Variants in SOX11 observed in about 807,000 individuals in gnomAD.
SOX11 encodes the protein transcription factor SOX-11.
A neutral mutation model predicts 16.7 loss-of-function variants in SOX11; 5 were observed. That is an observed-to-expected ratio of 0.30 (90% CI 0.16 to 0.63). The LOEUF (loss-of-function observed/expected upper bound fraction) is 0.63, where lower values mean the gene tolerates loss of function less well. SOX11 is among the 20% of genes least tolerant of loss of function. SOX11 has a pLI of 0.82. For missense variants in SOX11, 492 were observed against 641.5 expected, an observed-to-expected ratio of 0.77 and a Z score of 2.52; for synonymous variants, 363 against 298.8, an observed-to-expected ratio of 1.21 and a Z score of -2.22.
In SOX11 at chr2:5,700,541, T is replaced by C. The variant is rs1234781307; in HGVS notation, c.*6494T>C. The stretch of plus-strand genomic sequence containing the variant: ...ATCCAGCTTTTGTTCAAAAACAGTA[T>C]GCCTCCTCCCTTGAATCACATAGGG... On this transcript the variant is annotated 3_prime_UTR_variant, in exon 1 of 1. Coordinates refer to ENST00000322002, the MANE Select transcript of SOX11 (RefSeq NM_003108.4). The C allele has an allele frequency of 6.0e-6, 1 of 167,068 alleles. No individual in the cohort carries two copies. Among genetic ancestry groups the C allele is most frequent in the Non-Finnish European group, 1.5e-5 (1 of 68,106 alleles). 10.3% of individuals were successfully genotyped at this position (167,068 alleles called of 1,614,324 possible).
Position 5,693,766 on chromosome 2 carries a change from A to G in SOX11, c.1045A>G (p.Ser349Gly), listed in dbSNP as rs1665681441. Residue 349 changes from serine to glycine, a missense_variant, in exon 1 of 1, where the codon AGC (serine) becomes GGC (glycine). Ser to Gly is a moderately conservative substitution (Grantham distance 56). This residue lies in a region of SOX11 where 389 missense variants were observed against 389.0 expected (regional missense o/e 1.00). Transcript: ENST00000322002. The surrounding 1 kb of genome is among the most constrained non-coding windows in gnomAD (Gnocchi z 8.6). ...VSTSSSSSSG[S>G]SSGSSGEDAD... is the part of the protein sequence containing the mutation. ...CACCTCCTCGTCCAGCAGCAGCGGCAGCAGCAGCGGCAGCAGCGGCGAGGA... is the reference window on the plus strand; with the variant it reads ...CACCTCCTCGTCCAGCAGCAGCGGCGGCAGCAGCGGCAGCAGCGGCGAGGA... 4.4e-6 allele frequency: 7 copies of G among 1,580,778 alleles called. No homozygotes were observed. Among genetic ancestry groups the G allele is most frequent in the Non-Finnish European group, 6.0e-6 (7 of 1,165,058 alleles).
Position 5,693,418 on chromosome 2 carries a change from G to T in SOX11, c.697G>T (p.Asp233Tyr). The T allele has an allele frequency of 6.3e-7, 1 of 1,591,374 alleles. No individual in the cohort carries two copies. Among genetic ancestry groups the T allele is most frequent in the Non-Finnish European group, 8.5e-7 (1 of 1,177,142 alleles). Reference sequence around the variant, plus strand: ...GGACGACGACGACGACGACGACGACGACGAGCTGCAGCTGCAGATCAAACA... The same window carrying T: ...GGACGACGACGACGACGACGACGACTACGAGCTGCAGCTGCAGATCAAACA... ...DEDDDDDDDD[D>Y]ELQLQIKQEP... is the part of the protein sequence containing the mutation. Residue 233 changes from aspartate to tyrosine, a missense_variant, in exon 1 of 1, where the codon GAC (aspartate) becomes TAC (tyrosine). Around this residue, in one of 4 missense-constraint regions of SOX11, gnomAD observed 389 missense variants for 389.0 expected, o/e 1.00. Coordinates refer to ENST00000322002, the MANE Select transcript of SOX11 (RefSeq NM_003108.4). This position sits in a 1 kb window ranked among gnomAD's most constrained non-coding sequence, Gnocchi z 8.6.
Position 5,695,432 on chromosome 2 carries a change from GA to G in SOX11, c.*1395del, listed in dbSNP as rs113402297. ...TGGATTCTCGATTTTTAGCAAAAAA[GA>G]AAAAAAAAAGGCACATAGTTTAAAA... On this transcript the variant is annotated 3_prime_UTR_variant, in exon 1 of 1. Coordinates refer to ENST00000322002, the MANE Select transcript of SOX11 (RefSeq NM_003108.4). The G allele has an allele frequency of 0.19, 30,170 of 158,580 alleles. 3,121 individuals are homozygous for G. The highest frequency in any genetic ancestry group is 0.31 in the Admixed American group (4,523 of 14,688). 9.8% of individuals were successfully genotyped at this position (158,580 alleles called of 1,614,324 possible). A position where few individuals can be genotyped will look rare whatever the true frequency, so the allele number is the denominator to read the frequency against.
chr2:5,700,327 G>A lies in SOX11; in HGVS notation c.*6280G>A, dbSNP rs1297553112. ...GCAATATGACAAAAAGTTTAAAAAT[G>A]CATAAAAAATAGGATTTCCTCTAGG... On this transcript the variant is annotated 3_prime_UTR_variant, in exon 1 of 1. Coordinates refer to ENST00000322002, the MANE Select transcript of SOX11 (RefSeq NM_003108.4). 1.2e-5 allele frequency: 2 copies of A among 166,204 alleles called. No homozygotes were observed. The highest frequency in any genetic ancestry group is 1.3e-4 in the Admixed American group (2 of 15,214). 10.3% of individuals were successfully genotyped at this position (166,204 alleles called of 1,614,324 possible). A position where few individuals can be genotyped will look rare whatever the true frequency, so the allele number is the denominator to read the frequency against.
Position 5,692,692 on chromosome 2 carries a change from G to T in SOX11, c.-30G>T, listed in dbSNP as rs754815141. 3 of 1,532,560 alleles carry T rather than the reference G, an allele frequency of 2.0e-6. No individual in the cohort carries two copies. The highest frequency in any genetic ancestry group is 2.6e-6 in the Non-Finnish European group (3 of 1,135,554). The allele number at this position is 1,532,560 out of a possible 1,614,324, so 94.9% of individuals were successfully genotyped here. A position where few individuals can be genotyped will look rare whatever the true frequency, so the allele number is the denominator to read the frequency against. Reference sequence around the variant, plus strand: ...ACCTCCGCACGAGACCCAGCGGCCCGGGTTGGAGCGTCCAGCCCTGCAGCG... The same window carrying T: ...ACCTCCGCACGAGACCCAGCGGCCCTGGTTGGAGCGTCCAGCCCTGCAGCG... On this transcript the variant is annotated 5_prime_UTR_variant, in exon 1 of 1. Transcript: ENST00000322002.
At position 5,700,532 on chromosome 2, in the gene SOX11, A is replaced by G. The variant is rs960719702; in HGVS notation, c.*6485A>G. On this transcript the variant is annotated 3_prime_UTR_variant, in exon 1 of 1. Coordinates refer to ENST00000322002, the MANE Select transcript of SOX11 (RefSeq NM_003108.4). Reference sequence around the variant, plus strand: ...TTTTTCTTCATCCAGCTTTTGTTCAAAAACAGTATGCCTCCTCCCTTGAAT... The same window carrying G: ...TTTTTCTTCATCCAGCTTTTGTTCAGAAACAGTATGCCTCCTCCCTTGAAT... 4.2e-5 allele frequency: 7 copies of G among 167,094 alleles called. No homozygotes were observed. Among genetic ancestry groups the G allele is most frequent in the Non-Finnish European group, 1.0e-4 (7 of 68,118 alleles). The allele number at this position is 167,094 out of a possible 1,614,324, so 10.4% of individuals were successfully genotyped here. A position where few individuals can be genotyped will look rare whatever the true frequency, so the allele number is the denominator to read the frequency against.
In SOX11 at chr2:5,700,424, A is replaced by G. The variant is rs1327548305; in HGVS notation, c.*6377A>G. The G allele has an allele frequency of 1.3e-5, 2 of 159,562 alleles. No homozygotes were observed. Among genetic ancestry groups the G allele is most frequent in the Admixed American group, 1.5e-4 (2 of 13,564 alleles). 9.9% of individuals were successfully genotyped at this position (159,562 alleles called of 1,614,324 possible). A position where few individuals can be genotyped will look rare whatever the true frequency, so the allele number is the denominator to read the frequency against. On this transcript the variant is annotated 3_prime_UTR_variant, in exon 1 of 1. Coordinates refer to ENST00000322002, the MANE Select transcript of SOX11 (RefSeq NM_003108.4). ...GACACGTTACATTTCCCCTTCCAAA[A>G]AAAAAAAAAAGGACAACTGGAAGTA... is the stretch of plus-strand genomic sequence containing the variant.
chr2:5,693,450 G>C lies in SOX11; in HGVS notation c.729G>C (p.Pro243=). 6.3e-7 allele frequency: 1 copy of C among 1,588,720 alleles called. No individual in the cohort carries two copies. Among genetic ancestry groups the C allele is most frequent in the African/African-American group, 1.3e-5 (1 of 74,890 alleles). ...DELQLQIKQE[P]DEEDEEPPHQ... ...TGCAGCTGCAGATCAAACAGGAGCC[G>C]GACGAGGAGGACGAGGAACCACCGC... The change falls in exon 1 of 1, where the codon CCG becomes CCC. Residue 243 remains proline, a synonymous_variant. Transcript: ENST00000322002. This position sits in a 1 kb window ranked among gnomAD's most constrained non-coding sequence, Gnocchi z 8.6.
At position 5,698,342 on chromosome 2, in the gene SOX11, A is replaced by G. The variant is rs1223861133; in HGVS notation, c.*4295A>G. On this transcript the variant is annotated 3_prime_UTR_variant, in exon 1 of 1. Coordinates refer to ENST00000322002, the MANE Select transcript of SOX11 (RefSeq NM_003108.4). ...CTAAGCATTGACAGAATATCTTAAA[A>G]TGGTAACCTGGGGGTGGCGGGTGGG... The G allele has an allele frequency of 3.0e-5, 5 of 166,318 alleles. No homozygotes were observed. The highest frequency in any genetic ancestry group is 9.7e-5 in the African/African-American group (4 of 41,360). 10.3% of individuals were successfully genotyped at this position (166,318 alleles called of 1,614,324 possible). A position where few individuals can be genotyped will look rare whatever the true frequency, so the allele number is the denominator to read the frequency against.
rs201271298 is a variant in SOX11 at position 5,700,420 on chromosome 2, CA to C, written c.*6387del. 2,068 of 134,812 alleles carry C rather than the reference CA, an allele frequency of 0.015. 15 individuals carry two copies. The highest frequency in any genetic ancestry group is 0.035 in the African/African-American group (1,165 of 33,356). The allele number at this position is 134,812 out of a possible 1,614,324, so 8.4% of individuals were successfully genotyped here. On this transcript the variant is annotated 3_prime_UTR_variant, in exon 1 of 1. Coordinates refer to ENST00000322002, the MANE Select transcript of SOX11 (RefSeq NM_003108.4). ...CTTAGACACGTTACATTTCCCCTTCCAAAAAAAAAAAAAAGGACAACTGGAA... is the reference window on the plus strand; with the variant it reads ...CTTAGACACGTTACATTTCCCCTTCCAAAAAAAAAAAAAGGACAACTGGAA...
Position 5,693,696 on chromosome 2 carries a change from G to A in SOX11, c.975G>A (p.Pro325=). Residue 325 remains proline, a synonymous_variant, in exon 1 of 1, where the codon CCG becomes CCA. Coordinates refer to ENST00000322002, the MANE Select transcript of SOX11 (RefSeq NM_003108.4). The surrounding 1 kb of genome is among the most constrained non-coding windows in gnomAD (Gnocchi z 8.6). ...ACATCACCAAGCAGCACCCGCCGCC[G>A]CTCGCGCAGCCCGCGCTGTCGCCCG... The part of the protein sequence containing the change: ...FKNITKQHPP[P]LAQPALSPAS... 6.3e-7 allele frequency: 1 copy of A among 1,599,454 alleles called. No individual in the cohort carries two copies.
rs1453227378 is a variant in SOX11, at chr2:5,699,023, A to T, written c.*4976A>T. The T allele has an allele frequency of 6.0e-6, 1 of 167,036 alleles. No homozygotes were observed. The highest frequency in any genetic ancestry group is 1.5e-5 in the Non-Finnish European group (1 of 68,104). 10.3% of individuals were successfully genotyped at this position (167,036 alleles called of 1,614,324 possible). ...CTTAACTTTTTTATTCTCTGATATGATTAATAATATGTATATTCTTACTTT... is the reference window on the plus strand; with the variant it reads ...CTTAACTTTTTTATTCTCTGATATGTTTAATAATATGTATATTCTTACTTT... On this transcript the variant is annotated 3_prime_UTR_variant, in exon 1 of 1. Coordinates refer to ENST00000322002, the MANE Select transcript of SOX11 (RefSeq NM_003108.4).
Position 5,693,140 on chromosome 2 carries a change from AGAGCGCGGCCGGCGGCGGCGGCGG to A in SOX11, c.428_451del (p.Ala143_Ala150del). On this transcript the variant is annotated inframe_deletion, in exon 1 of 1. Coordinates refer to ENST00000322002, the MANE Select transcript of SOX11 (RefSeq NM_003108.4). The surrounding 1 kb of genome is among the most constrained non-coding windows in gnomAD (Gnocchi z 8.6). The stretch of plus-strand genomic sequence containing the variant: ...CCCAGCGCCAGCCAGAGCCCAGAGA[AGAGCGCGGCCGGCGGCGGCGGCGG>A]GAGCGCGGGCGGAGGCGCGGGCGGT... 6.2e-7 allele frequency: 1 copy of A among 1,606,530 alleles called. No homozygotes were observed. The highest frequency in any genetic ancestry group is 8.5e-7 in the Non-Finnish European group (1 of 1,177,072).
chr2:5,692,633 C>T lies in SOX11; in HGVS notation c.-89C>T. 9.0e-7 allele frequency: 1 copy of T among 1,114,080 alleles called. No homozygotes were observed. Among genetic ancestry groups the T allele is most frequent in the Non-Finnish European group, 1.3e-6 (1 of 797,324 alleles). 69.0% of individuals were successfully genotyped at this position (1,114,080 alleles called of 1,614,324 possible). On this transcript the variant is annotated 5_prime_UTR_variant, in exon 1 of 1. Coordinates refer to ENST00000322002, the MANE Select transcript of SOX11 (RefSeq NM_003108.4). ...GGGGTGCCGAGGACTTTGCAACTTG[C>T]CCAGGAAGGTGGAGGGGTGGGAGGG...
chr2:5,693,647 G>T lies in SOX11; in HGVS notation c.926G>T (p.Ser309Ile). 6.3e-7 allele frequency: 1 copy of T among 1,588,992 alleles called. No homozygotes were observed. The highest frequency in any genetic ancestry group is 8.5e-7 in the Non-Finnish European group (1 of 1,174,564). ...GCGACCTCGGGCGCCGGGGGCGGCA[G>T]CCGCCTCTACTACAGCTTCAAGAAC... ...AGATSGAGGG[S>I]RLYYSFKNIT... is the part of the protein sequence containing the mutation. The change falls in exon 1 of 1, where the codon AGC becomes ATC. Residue 309 changes from serine (S) to isoleucine (I), a missense_variant. Ser to Ile is a moderately radical substitution (Grantham distance 142). Transcript: ENST00000322002. This position sits in a 1 kb window ranked among gnomAD's most constrained non-coding sequence, Gnocchi z 8.6.
Position 5,700,495 on chromosome 2 carries a change from C to A in SOX11, c.*6448C>A, listed in dbSNP as rs1027149457. The A allele has an allele frequency of 6.0e-6, 1 of 166,436 alleles. No individual in the cohort carries two copies. The highest frequency in any genetic ancestry group is 2.4e-5 in the African/African-American group (1 of 41,236). The allele number at this position is 166,436 out of a possible 1,614,324, so 10.3% of individuals were successfully genotyped here. Reference sequence around the variant, plus strand: ...TGATCAAATAGATATTGACAAAGGGCCCTCTGTCACATTTTTCTTCATCCA... The same window carrying A: ...TGATCAAATAGATATTGACAAAGGGACCTCTGTCACATTTTTCTTCATCCA... On this transcript the variant is annotated 3_prime_UTR_variant, in exon 1 of 1. Transcript: ENST00000322002.
At position 5,692,785 on chromosome 2, in the gene SOX11, G is replaced by A; in HGVS notation, c.64G>A (p.Glu22Lys). 2 of 1,612,626 alleles carry A rather than the reference G, an allele frequency of 1.2e-6. No homozygotes were observed. Among genetic ancestry groups the A allele is most frequent in the Non-Finnish European group, 8.5e-7 (1 of 1,179,080 alleles). Reference sequence around the variant, plus strand: ...CCTGCCCCGGGAGGCGCTGGACACGGAGGAGGGCGAATTCATGGCTTGCAG... The same window carrying A: ...CCTGCCCCGGGAGGCGCTGGACACGAAGGAGGGCGAATTCATGGCTTGCAG... ...SNLPREALDTEEGEFMACSPV... is the reference protein window; with the variant it reads ...SNLPREALDTKEGEFMACSPV... Residue 22 changes from glutamate (E) to lysine (K), a missense_variant, in exon 1 of 1, where the codon GAG (glutamate) becomes AAG (lysine). Physicochemically the swap from Glu to Lys is moderately conservative, Grantham distance 56. Transcript: ENST00000322002.
At position 5,693,331 on chromosome 2, in the gene SOX11, C is replaced by G; in HGVS notation, c.610C>G (p.Arg204Gly). ...CGACGACTACGTGCTGGGCAGCCTG[C>G]GCGTGAGCGGCTCGGGCGGCGGCGG... ...AGDDYVLGSLRVSGSGGGGAG... is the reference protein window; with the variant it reads ...AGDDYVLGSLGVSGSGGGGAG... Residue 204 changes from arginine (R) to glycine (G), a missense_variant, in exon 1 of 1, where the codon CGC (arginine) becomes GGC (glycine). Physicochemically the swap from Arg to Gly is moderately radical, Grantham distance 125 (BLOSUM62 -2). This residue lies in a region of SOX11 where 389 missense variants were observed against 389.0 expected (regional missense o/e 1.00). Coordinates refer to ENST00000322002, the MANE Select transcript of SOX11 (RefSeq NM_003108.4). The surrounding 1 kb of genome is among the most constrained non-coding windows in gnomAD (Gnocchi z 8.6). The G allele has an allele frequency of 1.3e-6, 2 of 1,588,226 alleles. No individual in the cohort carries two copies. The highest frequency in any genetic ancestry group is 1.7e-6 in the Non-Finnish European group (2 of 1,176,100).
rs1206965108 is a variant in SOX11 at position 5,694,075 on chromosome 2, C to A, written c.*28C>A. The A allele has an allele frequency of 6.5e-7, 1 of 1,537,486 alleles. No homozygotes were observed. The highest frequency in any genetic ancestry group is 1.4e-5 in the African/African-American group (1 of 72,748). ...GGCGCCCGCTGCTCGCTCTTTCTCT[C>A]GGAGGGTGCAGAGCTGGGTTCCTTG... On this transcript the variant is annotated 3_prime_UTR_variant, in exon 1 of 1. Coordinates refer to ENST00000322002, the MANE Select transcript of SOX11 (RefSeq NM_003108.4).
Sources: allele counts gnomAD v4.1 joint callset, GRCh38; gene constraint gnomAD v4.1.1; regional missense constraint gnomAD v4.1.1; non-coding constraint Gnocchi (gnomAD v3.1); transcripts MANE v1.5; gene names NCBI Gene and HGNC (gene_info 2026-07-23, HGNC 2026-07-21).